The following B3GALT1 variants were observed in gnomAD, a reference collection of about 807,000 sequenced individuals.
The protein encoded by B3GALT1 is UDP-Gal:betaGlcNAc beta 1,3-galactosyltransferase, polypeptide 1.
In B3GALT1, 10 loss-of-function variants were observed where a neutral mutation model predicts 23.2. The observed-to-expected ratio is 0.43, with a 90% CI of 0.27 to 0.73. The LOEUF is 0.73. B3GALT1 is among the 30% of genes least tolerant of loss of function. The pLI is 0.21. For missense variants in B3GALT1, 299 were observed against 405.4 expected (o/e 0.74, Z 2.25); for synonymous variants, 156 against 141.5 (o/e 1.10, Z -0.73).
intron 1 of B3GALT1, among the ~76,000 whole-genome samples, chr2:167,470,455 C>T (rs1699406984): frequency 6.6e-6 from 1 of 152,016 alleles, no homozygotes. Flanking sequence ...TAATCCAGTG[C>T]AATTTATTGG....
At chr2:167,825,283 C>CAAAAAAAAAAAAAAAAAAAA (rs71963760) in intron 4 of B3GALT1, among the ~76,000 whole-genome samples, 1 of 82,238 alleles carries the variant, frequency 1.2e-5, no homozygotes, top group African/African-American at 5.0e-5. Context: ...GACTCCGTCT[C>CAAAAAAAAAAAAAAAAAAAA]AAAAAAAAAA....
chr2:167,583,729 A>G (rs1684531043), intron 2 of B3GALT1, among the ~76,000 whole-genome samples: 6 of 152,186 alleles, frequency 3.9e-5, no homozygotes, highest in Admixed American at 3.3e-4. Flanking sequence ...TGTCCAGGGC[A>G]GTAATTCTTA....
chr2:167,836,186 C>T (rs1329655708), intron 4 of B3GALT1, among the ~76,000 whole-genome samples: 2 of 152,200 alleles, frequency 1.3e-5, no homozygotes, highest in Non-Finnish European at 2.9e-5. Context: ...CGGAGAACGA[C>T]TTTGACAAGT....
At chr2:167,306,435 T>C (rs1696553008) in intron 1 of B3GALT1, among the ~76,000 whole-genome samples, 1 of 152,090 alleles carries the variant, frequency 6.6e-6, no homozygotes, top group Non-Finnish European at 1.5e-5. Context: ...TGATTTCCTC[T>C]TTATTTTTAT....
chr2:167,529,253 C>T (rs1314138121), intron 2 of B3GALT1, among the ~76,000 whole-genome samples: 3 of 152,022 alleles, frequency 2.0e-5, no homozygotes, highest in Non-Finnish European at 4.4e-5. Context: ...ATTCCCATAA[C>T]CCTAAATGCT....
chr2:167,571,470 G>A (rs1224905620), intron 2 of B3GALT1, among the ~76,000 whole-genome samples: 4 of 151,770 alleles, frequency 2.6e-5, no homozygotes, highest in Non-Finnish European at 2.9e-5. Flanking sequence ...GTTTCTAATC[G>A]AAGGGCAGCA....
intron 1 of B3GALT1, among the ~76,000 whole-genome samples, chr2:167,354,960 C>CA: frequency 6.6e-6 from 1 of 152,276 alleles, no homozygotes; most frequent in Middle Eastern, 3.4e-3. Flanking sequence ...AGACTGACAC[C>CA]ATGTTTTGCT....
intron 1 of B3GALT1, among the ~76,000 whole-genome samples, chr2:167,487,662 A>G (rs1172453364): frequency 6.6e-6 from 1 of 152,240 alleles, no homozygotes; most frequent in Non-Finnish European, 1.5e-5. Flanking sequence ...TAGTTAGGCT[A>G]TAAAATATTT....
intron 1 of B3GALT1, among the ~76,000 whole-genome samples, chr2:167,316,556 C>T (rs903051428): frequency 9.2e-5 from 14 of 152,116 alleles, no homozygotes; most frequent in Admixed American, 3.9e-4. Context: ...TGAGGGCTTT[C>T]CCTCAGCCCC....
rs1011942772 is a variant in B3GALT1 at position 167,553,734 on chromosome 2, G to C, written c.-410+63457G>C. On this transcript the variant is annotated intron_variant, in intron 2 of 4. Transcript: ENST00000392690. ...GTGATAGAAACAAAATCTTTTTCTTGGGCACAATTTAAACTTGTAATTTTG... is the reference window on the plus strand; with the variant it reads ...GTGATAGAAACAAAATCTTTTTCTTCGGCACAATTTAAACTTGTAATTTTG... 2.6e-5 allele frequency among the ~76,000 whole-genome samples: 4 copies of C among 152,084 alleles called. No individual in the cohort carries two copies. The East Asian group carries it at 7.7e-4, about 29-fold the overall frequency.
chr2:167,810,186 G>C (rs56393424), intron 3 of B3GALT1, among the ~76,000 whole-genome samples: 5,147 of 150,182 alleles, frequency 0.034, 272 homozygotes, highest in South Asian at 0.069. Context: ...ATCTGTCACC[G>C]CTTTGACTAG....
chr2:167,867,134 GC>G (rs1361900999), intron 4 of B3GALT1, among the ~76,000 whole-genome samples: 2 of 152,206 alleles, frequency 1.3e-5, no homozygotes, highest in African/African-American at 4.8e-5. Flanking sequence ...CACCGTTTTA[GC>G]CAGGATGGTC....
intron 2 of B3GALT1, among the ~76,000 whole-genome samples, chr2:167,534,643 G>C (rs1644289595): frequency 6.6e-6 from 1 of 152,166 alleles, no homozygotes; most frequent in Non-Finnish European, 1.5e-5. Flanking sequence ...GTTGAGCTGA[G>C]TCATAAGCTA....
At chr2:167,794,075 T>C (rs1418579518) in intron 3 of B3GALT1, among the ~76,000 whole-genome samples, 1 of 152,206 alleles carries the variant, frequency 6.6e-6, no homozygotes, top group African/African-American at 2.4e-5. Flanking sequence ...ATGATGCGCT[T>C]TTTGCTCTTC....
intron 3 of B3GALT1, among the ~76,000 whole-genome samples, chr2:167,818,027 GC>G (rs1689030904): frequency 6.6e-6 from 1 of 152,154 alleles, no homozygotes; most frequent in South Asian, 2.1e-4. Context: ...CCCAAAGGCA[GC>G]TTCAGCCCTC....
intron 1 of B3GALT1, among the ~76,000 whole-genome samples, chr2:167,445,656 T>A (rs1559098889): frequency 1.3e-5 from 2 of 152,220 alleles, no homozygotes; most frequent in African/African-American, 4.8e-5. Flanking sequence ...TGGTTTAAAA[T>A]CTGTTTTATC....
At chr2:167,742,507 A>G (rs1230384536) in intron 3 of B3GALT1, among the ~76,000 whole-genome samples, 1 of 152,224 alleles carries the variant, frequency 6.6e-6, no homozygotes, top group African/African-American at 2.4e-5. Context: ...CAGTAAAGAC[A>G]GTAAAAAAGC....
At chr2:167,499,625 T>C (rs1225422158) in intron 2 of B3GALT1, among the ~76,000 whole-genome samples, 2 of 152,174 alleles carry the variant, frequency 1.3e-5, no homozygotes, top group African/African-American at 2.4e-5. Flanking sequence ...TGTAATTGCA[T>C]AAAAAACAGA....
intron 2 of B3GALT1, among the ~76,000 whole-genome samples, chr2:167,542,482 A>G (rs1683549056): frequency 6.6e-6 from 1 of 152,192 alleles, no homozygotes; most frequent in Admixed American, 6.5e-5. Flanking sequence ...AGCCACAGGC[A>G]TAGTTTCTTC....
Sources: allele counts gnomAD v4.1 joint callset (sites outside exome capture counted in the v4.1 genomes callset), GRCh38; gene constraint gnomAD v4.1.1; transcripts MANE v1.5; gene names NCBI Gene and HGNC (gene_info 2026-07-23, HGNC 2026-07-21).